Variants in ARNT2 observed in about 807,000 individuals in gnomAD.
ARNT2 encodes the protein ARNT protein 2.
A neutral mutation model predicts 91.7 loss-of-function variants in ARNT2; 36 were observed. The ratio of observed to expected loss-of-function variants is 0.39; its 90% CI spans 0.30 to 0.52. The LOEUF (loss-of-function observed/expected upper bound fraction) is 0.52. Among genes scored for constraint, ARNT2 ranks in the 20% least tolerant of loss-of-function variants. The pLI is 0.72. For synonymous variants in ARNT2, 365 were observed against 347.1 expected, an observed-to-expected ratio of 1.05 and a Z score of -0.57; for missense variants, 775 against 939.3, an observed-to-expected ratio of 0.83 and a Z score of 2.29.
rs553973341 is a variant in ARNT2, at chr15:80,442,065, C to T, written c.32-8815C>T. On this transcript the variant is annotated intron_variant, in intron 1 of 18. Coordinates refer to ENST00000303329, the MANE Select transcript of ARNT2 (RefSeq NM_014862.4). ...ATCTGAGCAGAGATCTAGACAAGAG[C>T]GTTGCATTTGAGTGGGGGAATAACT... Among the ~76,000 whole-genome samples, 4 of 152,292 alleles carry T rather than the reference C, an allele frequency of 2.6e-5. No homozygotes were observed. In the East Asian group the frequency reaches 5.8e-4, roughly 22 times the overall value.
intron 1 of ARNT2, among the ~76,000 whole-genome samples, chr15:80,433,341 A>G (rs1056918419): frequency 6.7e-6 from 1 of 148,794 alleles, no homozygotes; most frequent in Non-Finnish European, 1.5e-5. Context: ...GCTGGAGTGC[A>G]GTGGTGCGAT....
At chr15:80,503,841 A>C (rs973661836) in intron 5 of ARNT2, among the ~76,000 whole-genome samples, 3 of 152,200 alleles carry the variant, frequency 2.0e-5, no homozygotes, top group African/African-American at 4.8e-5. Context: ...AGATGTACGT[A>C]CCAGTAGTCA....
chr15:80,544,562 A>G (rs1243964986), intron 8 of ARNT2, among the ~76,000 whole-genome samples: 2 of 152,174 alleles, frequency 1.3e-5, no homozygotes, highest in Admixed American at 6.5e-5. Flanking sequence ...TTAAAAAGCA[A>G]CGACTAAATA....
chr15:80,549,265 T>A (rs1898041235), intron 8 of ARNT2, among the ~76,000 whole-genome samples: 1 of 152,114 alleles, frequency 6.6e-6, no homozygotes, highest in Non-Finnish European at 1.5e-5. Flanking sequence ...AATAAAACCA[T>A]AAAAGTATCA....
rs1896446207 is a variant in ARNT2 at position 80,454,115 on chromosome 15, A to G, written c.146+3121A>G. ...GCTGCCTGCTCTCCCAGCATTTGGG[A>G]CTCAAGGTGGAGGTTCCAAAGTCCC... On this transcript the variant is annotated intron_variant, in intron 2 of 18. Coordinates refer to ENST00000303329, the MANE Select transcript of ARNT2 (RefSeq NM_014862.4). 2.0e-5 allele frequency among the ~76,000 whole-genome samples: 3 copies of G among 152,248 alleles called. No homozygotes were observed. The Middle Eastern group carries it at 0.01, about 518-fold the overall frequency.
intron 3 of ARNT2, among the ~76,000 whole-genome samples, chr15:80,463,316 A>G (rs1014345095): frequency 1.3e-5 from 2 of 152,206 alleles, no homozygotes; most frequent in African/African-American, 4.8e-5. Context: ...AGCCTTTCAG[A>G]GGTTGCAGAG....
chr15:80,532,575 T>C (rs567360156), intron 8 of ARNT2, among the ~76,000 whole-genome samples: 19 of 152,356 alleles, frequency 1.2e-4, no homozygotes, highest in South Asian at 1.2e-3. Context: ...CTCCATGTGC[T>C]TGGGCCACAG....
chr15:80,555,176 AGTCTGGGC>A, intron 11 of ARNT2, 37 bp downstream of exon 11: 1 of 1,603,012 alleles, frequency 6.2e-7, no homozygotes, highest in Non-Finnish European at 8.5e-7. Context: ...GCTGATGCAT[AGTCTGGGC>A]ACCTGTGGAT....
chr15:80,452,927 C>T (rs1188632119), intron 2 of ARNT2, among the ~76,000 whole-genome samples: 1 of 152,222 alleles, frequency 6.6e-6, no homozygotes, highest in Non-Finnish European at 1.5e-5. Context: ...ACTGGGGACC[C>T]AGTCCCATTT....
chr15:80,469,246 T>C (rs1229911874), intron 3 of ARNT2, among the ~76,000 whole-genome samples: 1 of 152,242 alleles, frequency 6.6e-6, no homozygotes, highest in East Asian at 1.9e-4. Context: ...GCTAGTTTTT[T>C]ATCATAACAC....
At chr15:80,489,516 G>A (rs932173820) in intron 5 of ARNT2, among the ~76,000 whole-genome samples, 4 of 152,166 alleles carry the variant, frequency 2.6e-5, no homozygotes, top group Non-Finnish European at 5.9e-5. Flanking sequence ...TGAGCTGAGC[G>A]CACACGTTCT....
intron 5 of ARNT2, among the ~76,000 whole-genome samples, chr15:80,491,466 C>G (rs564141967): frequency 1.3e-5 from 2 of 152,106 alleles, no homozygotes; most frequent in African/African-American, 2.4e-5. Context: ...ATCCCTTCAA[C>G]GACATGTGGG....
chr15:80,584,581 C>T (rs907973810), intron 17 of ARNT2, among the ~76,000 whole-genome samples: 8 of 152,100 alleles, frequency 5.3e-5, no homozygotes, highest in African/African-American at 1.9e-4. Context: ...AGCAGTCTGC[C>T]CCATTAATGG....
intron 5 of ARNT2, among the ~76,000 whole-genome samples, chr15:80,489,552 G>T (rs569569580): frequency 8.0e-4 from 122 of 152,320 alleles, no homozygotes; most frequent in Non-Finnish European, 1.2e-3. Context: ...CAAGAGCTCG[G>T]CATCATGAGG....
chr15:80,510,390 C>T (rs190547932), intron 6 of ARNT2, among the ~76,000 whole-genome samples: 11 of 152,132 alleles, frequency 7.2e-5, no homozygotes, highest in Middle Eastern at 3.4e-3. Context: ...GGGCAAAGGA[C>T]GTGAGCAGAC....
chr15:80,437,848 A>C (rs938343436), intron 1 of ARNT2, among the ~76,000 whole-genome samples: 12 of 151,996 alleles, frequency 7.9e-5, no homozygotes, highest in African/African-American at 2.9e-4. Context: ...AATAGAAAAT[A>C]AGTGGGCAGT....
chr15:80,525,366 G>A (rs955359660), intron 8 of ARNT2, among the ~76,000 whole-genome samples: 7 of 152,140 alleles, frequency 4.6e-5, no homozygotes, highest in Non-Finnish European at 1.0e-4. Context: ...TCTGTTTCTT[G>A]ATTGTAACTA....
chr15:80,411,986 G>A (rs1895686245), intron 1 of ARNT2, among the ~76,000 whole-genome samples: 1 of 152,238 alleles, frequency 6.6e-6, no homozygotes, highest in South Asian at 2.1e-4. Context: ...ATTACCAGCA[G>A]TTACTGATAA....
intron 12 of ARNT2, among the ~76,000 whole-genome samples, chr15:80,573,881 C>T (rs1249134926): frequency 1.3e-5 from 2 of 152,202 alleles, no homozygotes; most frequent in East Asian, 3.8e-4. Context: ...AGTATTTGTT[C>T]TGCGGTATCT....
Sources: allele counts gnomAD v4.1 joint callset (sites outside exome capture counted in the v4.1 genomes callset), GRCh38; gene constraint gnomAD v4.1.1; transcripts MANE v1.5; gene names NCBI Gene and HGNC (gene_info 2026-07-23, HGNC 2026-07-21).